The following UPP2 variants were observed in gnomAD, a reference collection of about 807,000 sequenced individuals.
UPP2 encodes the protein uridine phosphorylase 2.
A neutral mutation model predicts 26.7 loss-of-function variants in UPP2; 23 were observed. The observed-to-expected ratio is 0.86, with a 90% CI of 0.62 to 1.22. The LOEUF is 1.22. Among genes scored for constraint, UPP2 ranks in the 50% most tolerant of loss-of-function variants. The pLI is 0.00. For missense variants in UPP2, 387 were observed against 396.7 expected, an observed-to-expected ratio of 0.98 and a Z score of 0.21; for synonymous variants, 127 against 141.3, an observed-to-expected ratio of 0.90 and a Z score of 0.72.
intron 3 of UPP2, among the ~76,000 whole-genome samples, chr2:158,053,013 A>G (rs1186436882): frequency 1.3e-5 from 2 of 152,186 alleles, no homozygotes; most frequent in East Asian, 1.9e-4. Context: ...ATCACCTCAC[A>G]AATCTCCTCA....
intron 4 of UPP2, among the ~76,000 whole-genome samples, chr2:158,119,837 C>T (rs1683524942): frequency 6.6e-6 from 1 of 151,548 alleles, no homozygotes; most frequent in African/African-American, 2.4e-5. Flanking sequence ...TGGTGAAACC[C>T]CATCTCTACT....
intron 2 of UPP2, among the ~76,000 whole-genome samples, chr2:158,006,479 A>C: frequency 1.9e-5 from 1 of 52,988 alleles, no homozygotes; most frequent in African/African-American, 3.8e-5. Context: ...TCCGTCTCAA[A>C]AAAAAAAAAA....
intron 3 of UPP2, among the ~76,000 whole-genome samples, chr2:158,092,609 T>C (rs1320548147): frequency 6.6e-6 from 1 of 152,210 alleles, no homozygotes; most frequent in Non-Finnish European, 1.5e-5. Flanking sequence ...GAAGGAGATC[T>C]GAGAAGCAAT....
At chr2:158,002,669 C>T (rs1361526486) in intron 2 of UPP2, among the ~76,000 whole-genome samples, 2 of 152,214 alleles carry the variant, frequency 1.3e-5, no homozygotes, top group African/African-American at 4.8e-5. Flanking sequence ...CCAAGTGCCC[C>T]CTGGCTTAAG....
At chr2:158,045,133 T>C (rs954369940) in intron 3 of UPP2, among the ~76,000 whole-genome samples, 1 of 152,162 alleles carries the variant, frequency 6.6e-6, no homozygotes, top group Non-Finnish European at 1.5e-5. Context: ...GAGAAAATAA[T>C]GGGCTTGAAA....
At chr2:158,122,268 T>C (rs1373103712) in intron 5 of UPP2, among the ~76,000 whole-genome samples, 1 of 152,084 alleles carries the variant, frequency 6.6e-6, no homozygotes, top group Non-Finnish European at 1.5e-5. Flanking sequence ...TGAAGGGCAT[T>C]CTGAAAATCT....
intron 2 of UPP2, among the ~76,000 whole-genome samples, chr2:157,996,493 T>C (rs1306198638): frequency 6.6e-6 from 1 of 152,242 alleles, no homozygotes; most frequent in Non-Finnish European, 1.5e-5. Flanking sequence ...TTGGGGTCTC[T>C]AAAATGACTT....
At chr2:158,108,330 T>C (rs1427437466) in intron 2 of UPP2, among the ~76,000 whole-genome samples, 3 of 152,190 alleles carry the variant, frequency 2.0e-5, no homozygotes, top group Non-Finnish European at 2.9e-5. Context: ...ATAACACATA[T>C]ATGTTTGTCT....
intron 5 of UPP2, 47 bp from the exon 6 acceptor site, chr2:158,123,702 A>T: frequency 1.9e-6 from 3 of 1,593,746 alleles, no homozygotes; most frequent in Non-Finnish European, 1.7e-6. Flanking sequence ...GGCCACTGTC[A>T]GTGGGGTGGG....
At chr2:158,133,093 C>T (rs1421105718) in intron 6 of UPP2, among the ~76,000 whole-genome samples, 2 of 152,182 alleles carry the variant, frequency 1.3e-5, no homozygotes, top group Non-Finnish European at 2.9e-5. Flanking sequence ...GCATTATTCA[C>T]AACAGCCAAG....
intron 3 of UPP2, among the ~76,000 whole-genome samples, chr2:158,073,602 A>G (rs531203765): frequency 8.5e-5 from 13 of 152,340 alleles, no homozygotes; most frequent in Admixed American, 2.0e-4. Flanking sequence ...AAGAGAAAAG[A>G]AACAACATAC....
intron 3 of UPP2, among the ~76,000 whole-genome samples, chr2:158,081,660 T>G (rs1682729508): frequency 6.6e-6 from 1 of 152,168 alleles, no homozygotes; most frequent in Admixed American, 6.6e-5. Context: ...TCCTGTCATT[T>G]GCAACAACGT....
At chr2:158,089,797 A>G (rs1682878172) in intron 3 of UPP2, among the ~76,000 whole-genome samples, 1 of 152,136 alleles carries the variant, frequency 6.6e-6, no homozygotes, top group South Asian at 2.1e-4. Flanking sequence ...CAGTAAGGGT[A>G]TATGTTTGGG....
chr2:158,090,894 T>G (rs1682901364), intron 3 of UPP2, among the ~76,000 whole-genome samples: 1 of 152,190 alleles, frequency 6.6e-6, no homozygotes, highest in Non-Finnish European at 1.5e-5. Flanking sequence ...CACAGGGTCC[T>G]GGTTTGTAGG....
At chr2:158,101,505 C>A (rs1206229438), upstream of UPP2, among the ~76,000 whole-genome samples, 1 of 152,102 alleles carries the variant, frequency 6.6e-6, no homozygotes, top group East Asian at 1.9e-4. Flanking sequence ...CTTGTGATGA[C>A]AAAGAATGAA....
At chr2:158,095,251 C>T (rs1264247085) in intron 3 of UPP2, among the ~76,000 whole-genome samples, 1 of 152,136 alleles carries the variant, frequency 6.6e-6, no homozygotes, top group Non-Finnish European at 1.5e-5. Flanking sequence ...ACTTTAAAAT[C>T]AGCTTTAGGA....
At chr2:158,062,006 G>A (rs1423310841) in intron 3 of UPP2, among the ~76,000 whole-genome samples, 1 of 152,206 alleles carries the variant, frequency 6.6e-6, no homozygotes, top group East Asian at 1.9e-4. Flanking sequence ...AGTTTTATTG[G>A]AACACGGCCA....
intron 3 of UPP2, among the ~76,000 whole-genome samples, chr2:158,050,321 G>A (rs1172498068): frequency 2.0e-5 from 3 of 151,876 alleles, no homozygotes; most frequent in African/African-American, 7.3e-5. Flanking sequence ...AAGCACAGAA[G>A]CAAAGACTCT....
At chr2:158,047,241 C>A (rs111448512) in intron 3 of UPP2, among the ~76,000 whole-genome samples, 1 of 152,150 alleles carries the variant, frequency 6.6e-6, no homozygotes, top group East Asian at 1.9e-4. Flanking sequence ...GTTCACACAG[C>A]GGGGGTATTG....
Sources: allele counts gnomAD v4.1 joint callset (sites outside exome capture counted in the v4.1 genomes callset), GRCh38; gene constraint gnomAD v4.1.1; transcripts MANE v1.5; gene names NCBI Gene and HGNC (gene_info 2026-07-23, HGNC 2026-07-21).